COL5A2: variants seen among roughly 807,000 people sequenced by gnomAD.
COL5A2 encodes the protein collagen alpha-2(V) chain.
A neutral mutation model predicts 208.2 loss-of-function variants in COL5A2; 23 were observed. The ratio of observed to expected loss-of-function variants is 0.11; its 90% CI spans 0.08 to 0.16. The LOEUF is 0.16. Among genes scored for constraint, COL5A2 ranks in the 10% least tolerant of loss-of-function variants. The probability of loss-of-function intolerance (pLI) is 1.00; values close to 1 mark genes in which losing one functional copy is unlikely to be tolerated. For synonymous variants in COL5A2, 625 were observed against 628.5 expected (o/e 0.99, Z 0.08); for missense variants, 1,590 against 1,956.4 (o/e 0.81, Z 3.53).
chr2:189,044,780 C>T (rs117556908), intron 47 of COL5A2, among the ~76,000 whole-genome samples: 2,315 of 152,032 alleles, frequency 0.015, 46 homozygotes, highest in South Asian at 0.085. Flanking sequence ...AAGATCAGAA[C>T]ATAGAAAGAA....
At chr2:189,063,559 G>A (rs1199354547) in intron 26 of COL5A2, among the ~76,000 whole-genome samples, 2 of 152,086 alleles carry the variant, frequency 1.3e-5, no homozygotes, top group Non-Finnish European at 2.9e-5. Flanking sequence ...TCTGGTTTGT[G>A]GTAATGAAAA....
chr2:189,225,457 T>C (rs1689402245), upstream of COL5A2, among the ~76,000 whole-genome samples: 1 of 152,140 alleles, frequency 6.6e-6, no homozygotes, highest in Non-Finnish European at 1.5e-5. Context: ...TAAAAAACTC[T>C]TACCACAGCT....
At chr2:189,365,223 T>C in the COL5A2 span, among the ~76,000 whole-genome samples, 3 of 152,220 alleles carry the variant, frequency 2.0e-5, no homozygotes, top group Non-Finnish European at 4.4e-5. Context: ...GCCAAAATTA[T>C]ATGAGCTTCA....
At chr2:189,082,853 G>T (rs574951275) in intron 12 of COL5A2, among the ~76,000 whole-genome samples, 1 of 152,298 alleles carries the variant, frequency 6.6e-6, no homozygotes, top group African/African-American at 2.4e-5. Flanking sequence ...AAGGACATCT[G>T]TGCTAATGAC....
Position 189,068,010 on chromosome 2 carries a change from A to C in COL5A2, c.1401+5T>G. On this transcript the variant is annotated splice_donor_5th_base_variant and intron_variant, in intron 21 of 53. Transcript: ENST00000374866. ...AAGGATGATAGTTCTTTCAAAGGTC[A>C]TTACCGGTTGGCCTCGAATTCCCTG... 2 of 1,611,318 alleles carry C rather than the reference A, an allele frequency of 1.2e-6. No individual in the cohort carries two copies. The highest frequency in any genetic ancestry group is 1.7e-6 in the Non-Finnish European group (2 of 1,177,510).
chr2:189,032,348 T>A lies in COL5A2; in HGVS notation c.*1722A>T, dbSNP rs1036575701. 6.6e-6 allele frequency: 1 copy of A among 152,114 alleles called. No homozygotes were observed. Among genetic ancestry groups the A allele is most frequent in the Non-Finnish European group, 1.5e-5 (1 of 67,974 alleles). 9.4% of individuals were successfully genotyped at this position (152,114 alleles called of 1,614,324 possible). ...GGTGTCATGTTGCCTTTGTGGGTAA[T>A]GTTGTAGATAGATTTTCATTTATAA... On this transcript the variant is annotated 3_prime_UTR_variant, in exon 54 of 54. Coordinates refer to ENST00000374866, the MANE Select transcript of COL5A2 (RefSeq NM_000393.5).
chr2:189,046,417 T>C (rs1685668549), intron 45 of COL5A2, among the ~76,000 whole-genome samples: 1 of 152,220 alleles, frequency 6.6e-6, no homozygotes, highest in African/African-American at 2.4e-5. Context: ...GCAGAAATCA[T>C]ACCATCTGCA....
At chr2:189,042,626 C>A in intron 49 of COL5A2, 94 bp downstream of exon 49, 1 of 1,237,294 alleles carries the variant, frequency 8.1e-7, no homozygotes, top group East Asian at 2.4e-5. Flanking sequence ...CCAACTCCAG[C>A]TTCAATACCA....
chr2:189,058,559 A>C, intron 32 of COL5A2, 32 bp from the exon 33 acceptor site: 494 of 1,549,296 alleles, frequency 3.2e-4, no homozygotes, highest in Non-Finnish European at 4.1e-4. Flanking sequence ...AAATAATCTC[A>C]ATACTTGATC....
At chr2:189,414,879 T>G in the COL5A2 span, among the ~76,000 whole-genome samples, 1 of 152,152 alleles carries the variant, frequency 6.6e-6, no homozygotes, top group African/African-American at 2.4e-5. Context: ...TCTTATATTT[T>G]GTGGATACAT....
the COL5A2 span, among the ~76,000 whole-genome samples, chr2:189,414,385 T>G: frequency 2.0e-5 from 3 of 152,146 alleles, no homozygotes; most frequent in Non-Finnish European, 2.9e-5. Flanking sequence ...ACATTAATAT[T>G]CAAAATAGCA....
the COL5A2 span, among the ~76,000 whole-genome samples, chr2:189,271,303 C>G: frequency 2.0e-5 from 3 of 151,874 alleles, no homozygotes; most frequent in Admixed American, 6.6e-5. Flanking sequence ...CTAGTACCAA[C>G]ACAGATATAT....
chr2:189,359,912 C>T, the COL5A2 span, among the ~76,000 whole-genome samples: 5,536 of 152,052 alleles, frequency 0.036, 116 homozygotes, highest in Admixed American at 0.05. Flanking sequence ...TCAGTTGTAA[C>T]GTCTTCTTTT....
At chr2:189,274,152 A>G in the COL5A2 span, among the ~76,000 whole-genome samples, 1 of 152,162 alleles carries the variant, frequency 6.6e-6, no homozygotes, top group African/African-American at 2.4e-5. Flanking sequence ...TTTTAAAATA[A>G]TGATAGATAC....
At chr2:189,042,878 A>G in intron 48 of COL5A2, 105 bp from the exon 49 acceptor site, 1 of 1,102,542 alleles carries the variant, frequency 9.1e-7, no homozygotes, top group Admixed American at 2.0e-5. Context: ...AACTACTTTG[A>G]TAAAGTCACC....
At chr2:189,088,982 T>C (rs1686725251) in intron 7 of COL5A2, among the ~76,000 whole-genome samples, 1 of 152,204 alleles carries the variant, frequency 6.6e-6, no homozygotes, top group African/African-American at 2.4e-5. Context: ...GAGTATTGTA[T>C]AAGTATGTTG....
At chr2:189,083,298 T>C (rs542387042) in intron 12 of COL5A2, among the ~76,000 whole-genome samples, 1 of 152,214 alleles carries the variant, frequency 6.6e-6, no homozygotes. Flanking sequence ...GACAGGTGGG[T>C]TCAGAGAACG....
At chr2:189,289,035 G>A in the COL5A2 span, among the ~76,000 whole-genome samples, 1 of 152,084 alleles carries the variant, frequency 6.6e-6, no homozygotes, top group Non-Finnish European at 1.5e-5. Flanking sequence ...AACAAATTAG[G>A]TATAAAAGAA....
the COL5A2 span, among the ~76,000 whole-genome samples, chr2:189,423,895 G>A: frequency 1.4e-5 from 2 of 145,736 alleles, no homozygotes; most frequent in African/African-American, 5.0e-5. Flanking sequence ...AGACGAGGGG[G>A]AAAAAAAAAA....
Sources: allele counts gnomAD v4.1 joint callset (sites outside exome capture counted in the v4.1 genomes callset), GRCh38; gene constraint gnomAD v4.1.1; transcripts MANE v1.5; gene names NCBI Gene and HGNC (gene_info 2026-07-23, HGNC 2026-07-21).